The following ROBO1 variants were observed in gnomAD, a reference collection of about 807,000 sequenced individuals.
ROBO1 encodes the protein roundabout guidance receptor 1.
In ROBO1, 149 loss-of-function variants were observed where a neutral mutation model predicts 195.9. The ratio of observed to expected loss-of-function variants is 0.76; its 90% CI spans 0.67 to 0.87. ROBO1 has a LOEUF of 0.87. Ranked by LOEUF, ROBO1 falls within the 40% of genes least tolerant of loss-of-function variation. The pLI is 0.00. For synonymous variants in ROBO1, 816 were observed against 733.2 expected (o/e 1.11, Z -1.82); for missense variants, 1,933 against 2,068.3 (o/e 0.93, Z 1.27).
chr3:79,009,435 C>A lies in ROBO1; in HGVS notation c.173-70508G>T, dbSNP rs542375805. Among the ~76,000 whole-genome samples, 5 of 152,228 alleles carry A rather than the reference C, an allele frequency of 3.3e-5. No homozygotes were observed. In the South Asian group the frequency reaches 8.3e-4, roughly 25 times the overall value. ...ATGGAAATAGATGAATATAAATATACAATCCCATCTACATATTTGGAAATA... is the reference window on the plus strand; with the variant it reads ...ATGGAAATAGATGAATATAAATATAAAATCCCATCTACATATTTGGAAATA... On this transcript the variant is annotated intron_variant, in intron 3 of 30. Coordinates refer to ENST00000464233, the MANE Select transcript of ROBO1 (RefSeq NM_002941.4).
intron 3 of ROBO1, among the ~76,000 whole-genome samples, chr3:79,026,553 G>A (rs1195466498): frequency 6.6e-6 from 1 of 151,896 alleles, no homozygotes; most frequent in Non-Finnish European, 1.5e-5. Context: ...GTGGTTTCAT[G>A]TTTCTTTTAA....
chr3:79,661,243 C>T (rs543247927), intron 1 of ROBO1, among the ~76,000 whole-genome samples: 3 of 152,030 alleles, frequency 2.0e-5, no homozygotes, highest in Non-Finnish European at 4.4e-5. Context: ...CTTGGAGTGG[C>T]CCAAATCAAA....
intron 2 of ROBO1, among the ~76,000 whole-genome samples, chr3:79,550,019 G>T (rs901931961): frequency 1.3e-5 from 2 of 151,834 alleles, no homozygotes; most frequent in South Asian, 4.2e-4. Context: ...TAGCTACTCA[G>T]GAGGCTAAGG....
At position 79,651,890 on chromosome 3, in the gene ROBO1, C is replaced by A. The variant is rs1002596777; in HGVS notation, c.-50-61929G>T. ...ACTAAAATTTATTTTTACTGTAATT[C>A]ACCAACATTTTTTCTCTTACTGCAT... On this transcript the variant is annotated intron_variant, in intron 1 of 30. Coordinates refer to ENST00000464233, the MANE Select transcript of ROBO1 (RefSeq NM_002941.4). 3.3e-5 allele frequency among the ~76,000 whole-genome samples: 5 copies of A among 152,094 alleles called. No individual in the cohort carries two copies. In the East Asian group the frequency reaches 9.7e-4, roughly 29 times the overall value.
In ROBO1 at chr3:79,530,584, C is replaced by G. The variant is rs1575976445; in HGVS notation, c.88+59240G>C. ...AACCAAGTCTGCTCAATTGTGCCTA[C>G]TAATCCCTTTCAAATCTATCCATTG... is the stretch of plus-strand genomic sequence containing the variant. On this transcript the variant is annotated intron_variant, in intron 2 of 30. Transcript: ENST00000464233. Among the ~76,000 whole-genome samples the G allele has an allele frequency of 2.0e-5, 3 of 152,138 alleles. No individual in the cohort carries two copies. The East Asian group carries it at 5.8e-4, about 29-fold the overall frequency.
intron 2 of ROBO1, among the ~76,000 whole-genome samples, chr3:79,428,851 A>G (rs1473216071): frequency 6.6e-6 from 1 of 152,044 alleles, no homozygotes; most frequent in African/African-American, 2.4e-5. Flanking sequence ...CTCTATGTTA[A>G]GTGAAAAAAA....
intron 2 of ROBO1, among the ~76,000 whole-genome samples, chr3:79,339,217 C>T (rs2034807735): frequency 6.6e-6 from 1 of 152,300 alleles, no homozygotes; most frequent in Middle Eastern, 3.4e-3. Flanking sequence ...AATTTCTTCT[C>T]AACATAGCAG....
intron 2 of ROBO1, 124 bp from the exon 3 acceptor site, chr3:79,125,663 C>T (rs2080202517): frequency 2.8e-6 from 2 of 717,818 alleles, no homozygotes; most frequent in South Asian, 3.3e-5. Context: ...AAGGACAACA[C>T]ACAGCACGCT....
At chr3:78,746,429 T>C (rs1417977937) in intron 5 of ROBO1, among the ~76,000 whole-genome samples, 7 of 152,164 alleles carry the variant, frequency 4.6e-5, no homozygotes, top group Admixed American at 3.3e-4. Flanking sequence ...GTTTTTACTA[T>C]AACACATGGA....
intron 3 of ROBO1, among the ~76,000 whole-genome samples, chr3:79,004,233 A>G (rs941243884): frequency 3.3e-5 from 5 of 152,118 alleles, no homozygotes; most frequent in African/African-American, 1.2e-4. Context: ...TAAATTTGCG[A>G]TATTTGGCAA....
intron 2 of ROBO1, among the ~76,000 whole-genome samples, chr3:79,264,121 T>C (rs1432837322): frequency 6.6e-6 from 1 of 152,038 alleles, no homozygotes; most frequent in African/African-American, 2.4e-5. Flanking sequence ...ATGATGTTAG[T>C]CCAAGCTTTG....
At chr3:79,756,162 C>T (rs192550939) in intron 1 of ROBO1, among the ~76,000 whole-genome samples, 227 of 152,232 alleles carry the variant, frequency 1.5e-3, no homozygotes, top group African/African-American at 5.2e-3. Flanking sequence ...TGATTTATTG[C>T]CTTCCTCCTA....
intron 2 of ROBO1, among the ~76,000 whole-genome samples, chr3:79,160,844 C>G (rs1025298774): frequency 9.2e-5 from 14 of 152,010 alleles, no homozygotes; most frequent in Non-Finnish European, 1.3e-4. Context: ...TAGTTTGTAA[C>G]TGGGGCTAAG....
chr3:78,839,661 A>G (rs771038451), intron 4 of ROBO1, among the ~76,000 whole-genome samples: 1 of 152,172 alleles, frequency 6.6e-6, no homozygotes, highest in African/African-American at 2.4e-5. Flanking sequence ...TGATTTATCA[A>G]CTTTAATCAT....
At chr3:79,735,191 G>T (rs1355854038) in intron 1 of ROBO1, among the ~76,000 whole-genome samples, 1 of 152,166 alleles carries the variant, frequency 6.6e-6, no homozygotes, top group Non-Finnish European at 1.5e-5. Context: ...TAACTTTGAG[G>T]AGTAATGCTT....
intron 1 of ROBO1, among the ~76,000 whole-genome samples, chr3:79,591,085 A>AT (rs1030534339): frequency 6.6e-6 from 1 of 151,848 alleles, no homozygotes; most frequent in Non-Finnish European, 1.5e-5. Context: ...TACTTGACAA[A>AT]TTTTAGATTT....
chr3:78,888,911 G>A (rs2036723284), intron 4 of ROBO1, among the ~76,000 whole-genome samples: 1 of 152,092 alleles, frequency 6.6e-6, no homozygotes, highest in Admixed American at 6.6e-5. Flanking sequence ...TTCACCTTTG[G>A]TTGGATGTTT....
intron 28 of ROBO1, among the ~76,000 whole-genome samples, chr3:78,611,491 G>A (rs1277465040): frequency 6.6e-6 from 1 of 152,170 alleles, no homozygotes; most frequent in Non-Finnish European, 1.5e-5. Context: ...CAACTTGTAA[G>A]AGGCAAATAT....
intron 4 of ROBO1, chr3:78,938,006 T>TAA (rs1560020528): frequency 1.3e-5 from 2 of 150,936 alleles, no homozygotes; most frequent in African/African-American, 5.0e-5. Flanking sequence ...TGTGTGTGTG[T>TAA]GTGTGTGTGT....
Sources: gnomAD v4.1 joint callset for allele counts (sites outside exome capture counted in the v4.1 genomes callset) on GRCh38, gnomAD v4.1.1 for gene constraint, MANE v1.5 for transcripts, NCBI Gene and HGNC (gene_info 2026-07-23, HGNC 2026-07-21) for gene names.